The following EDIL3 variants were observed in gnomAD, a reference collection of about 807,000 sequenced individuals.
The protein encoded by EDIL3 is EGF like and discoidin domains 3, also known as EGF-like repeat and discoidin I-like domain-containing protein 3.
Under a neutral mutation model 67.4 loss-of-function variants are expected in EDIL3, and 37 were observed. That is an observed-to-expected ratio of 0.55 (90% CI 0.42 to 0.72). The LOEUF is 0.72. Among genes scored for constraint, EDIL3 ranks in the 30% least tolerant of loss-of-function variants. The pLI is 0.00. For missense variants in EDIL3, 527 were observed against 586.3 expected (o/e 0.90, Z 1.04); for synonymous variants, 195 against 196.3 (o/e 0.99, Z 0.05).
At chr5:84,073,345 A>G (rs1361410525) in intron 6 of EDIL3, among the ~76,000 whole-genome samples, 1 of 152,190 alleles carries the variant, frequency 6.6e-6, no homozygotes, top group Non-Finnish European at 1.5e-5. Flanking sequence ...AGTTCTGGCC[A>G]GGGCAATTAG....
Position 83,999,505 on chromosome 5 carries a change from A to G in EDIL3, c.1138-36145T>C, listed in dbSNP as rs1458463100. ...ATTCTGAAGCTACAAAATTCAATGG[A>G]ATGCATCAGAGTTTTTTAGCAGCAG... On this transcript the variant is annotated intron_variant, in intron 9 of 10. Coordinates refer to ENST00000296591, the MANE Select transcript of EDIL3 (RefSeq NM_005711.5). 2.5e-4 allele frequency among the ~76,000 whole-genome samples: 38 copies of G among 152,162 alleles called. 1 individual carries two copies. The highest frequency in any genetic ancestry group is 2.5e-3 in the Admixed American group (38 of 15,272).
intron 10 of EDIL3, among the ~76,000 whole-genome samples, chr5:83,944,396 CTT>C (rs35919017): frequency 1.9e-3 from 221 of 117,072 alleles, no homozygotes; most frequent in East Asian, 3.4e-3. Context: ...TGTAAAAATG[CTT>C]TTTTTTTTTT....
At chr5:84,306,938 C>T (rs534538564) in intron 1 of EDIL3, among the ~76,000 whole-genome samples, 1 of 152,304 alleles carries the variant, frequency 6.6e-6, no homozygotes, top group African/African-American at 2.4e-5. Flanking sequence ...TCACACAATA[C>T]TTGATACACA....
chr5:84,184,458 T>C (rs186756019), intron 3 of EDIL3, among the ~76,000 whole-genome samples: 1 of 152,216 alleles, frequency 6.6e-6, no homozygotes, highest in Non-Finnish European at 1.5e-5. Context: ...TAGTAAGAAA[T>C]TGTGATGTCC....
At chr5:84,132,311 A>G (rs1448160570) in intron 5 of EDIL3, among the ~76,000 whole-genome samples, 1 of 88,180 alleles carries the variant, frequency 1.1e-5, no homozygotes, top group African/African-American at 4.5e-5. Flanking sequence ...TATAATATAT[A>G]TTATATATAT....
At chr5:84,007,470 A>G (rs1278949385) in intron 9 of EDIL3, among the ~76,000 whole-genome samples, 1 of 152,202 alleles carries the variant, frequency 6.6e-6, no homozygotes, top group Non-Finnish European at 1.5e-5. Context: ...AGAAATCTGA[A>G]TGACATTTCT....
chr5:84,142,824 C>A (rs957981968), intron 4 of EDIL3, among the ~76,000 whole-genome samples: 6 of 145,580 alleles, frequency 4.1e-5, no homozygotes, highest in African/African-American at 7.4e-5. Context: ...ACGGTGCCCC[C>A]CCCCCCAAGC....
intron 1 of EDIL3, among the ~76,000 whole-genome samples, chr5:84,274,095 A>G (rs181196227): frequency 2.6e-5 from 4 of 151,992 alleles, no homozygotes; most frequent in Admixed American, 2.6e-4. Flanking sequence ...ATCCTAAAAT[A>G]TTTTATTTAT....
At chr5:84,316,715 A>C (rs1157727425) in intron 1 of EDIL3, among the ~76,000 whole-genome samples, 1 of 152,164 alleles carries the variant, frequency 6.6e-6, no homozygotes, top group African/African-American at 2.4e-5. Context: ...ACAGAAAATT[A>C]ACAAGGATAT....
intron 1 of EDIL3, among the ~76,000 whole-genome samples, chr5:84,322,870 T>C (rs1468766394): frequency 6.6e-6 from 1 of 151,980 alleles, no homozygotes; most frequent in African/African-American, 2.4e-5. Flanking sequence ...TCAGCAGATT[T>C]CTCATCAGAA....
chr5:84,043,872 T>C (rs1746175151), intron 9 of EDIL3, among the ~76,000 whole-genome samples: 2 of 152,124 alleles, frequency 1.3e-5, no homozygotes, highest in African/African-American at 4.8e-5. Flanking sequence ...TCCTATAGGA[T>C]ATTAGGGTAG....
chr5:84,209,338 T>C (rs537978827), intron 3 of EDIL3, among the ~76,000 whole-genome samples: 22 of 152,072 alleles, frequency 1.4e-4, no homozygotes, highest in South Asian at 6.2e-4. Flanking sequence ...AACTAACCTG[T>C]ACATGGTGCA....
chr5:84,147,225 A>G (rs2112326305), intron 4 of EDIL3, among the ~76,000 whole-genome samples: 1 of 152,192 alleles, frequency 6.6e-6, no homozygotes, highest in Non-Finnish European at 1.5e-5. Context: ...GTTGCAGGTG[A>G]CTGCAGTGAG....
chr5:84,338,609 C>T (rs1747035697), intron 1 of EDIL3, among the ~76,000 whole-genome samples: 1 of 152,116 alleles, frequency 6.6e-6, no homozygotes, highest in African/African-American at 2.4e-5. Context: ...GTCACTTACA[C>T]CCTTTGGTTA....
chr5:84,081,616 G>C (rs890928016), intron 6 of EDIL3, among the ~76,000 whole-genome samples: 3 of 152,068 alleles, frequency 2.0e-5, no homozygotes, highest in African/African-American at 7.2e-5. Flanking sequence ...AGAGGGAAGA[G>C]GAATGCTGTG....
intron 5 of EDIL3, among the ~76,000 whole-genome samples, chr5:84,109,375 A>G (rs969271821): frequency 3.9e-5 from 6 of 152,172 alleles, no homozygotes; most frequent in African/African-American, 1.2e-4. Flanking sequence ...GCATGGCAGC[A>G]TGTGCCTGTA....
chr5:84,068,033 C>T (rs1746674396), intron 6 of EDIL3, among the ~76,000 whole-genome samples: 1 of 152,106 alleles, frequency 6.6e-6, no homozygotes, highest in African/African-American at 2.4e-5. Flanking sequence ...AAGACAATAT[C>T]CCTCATGAAT....
chr5:84,071,863 T>C (rs1746745853), intron 6 of EDIL3, among the ~76,000 whole-genome samples: 1 of 152,118 alleles, frequency 6.6e-6, no homozygotes, highest in Admixed American at 6.6e-5. Flanking sequence ...CCGGCACACA[T>C]GGAGACAGAT....
intron 2 of EDIL3, among the ~76,000 whole-genome samples, chr5:84,252,694 T>G (rs868465786): frequency 6.6e-6 from 1 of 151,948 alleles, no homozygotes; most frequent in African/African-American, 2.4e-5. Context: ...TATTCATACA[T>G]TTCTACTAGG....
Sources: allele counts gnomAD v4.1 joint callset (sites outside exome capture counted in the v4.1 genomes callset), GRCh38; gene constraint gnomAD v4.1.1; transcripts MANE v1.5; gene names NCBI Gene and HGNC (gene_info 2026-07-23, HGNC 2026-07-21).